Variants in MID1 observed in about 807,000 individuals in gnomAD.
MID1 encodes the protein E3 ubiquitin-protein ligase Midline-1.
MID1 carries 7 observed loss-of-function variants against 40.4 expected under a neutral mutation model. The ratio of observed to expected loss-of-function variants is 0.17; its 90% CI spans 0.10 to 0.33. The LOEUF (loss-of-function observed/expected upper bound fraction) is 0.33. MID1 is among the 10% of genes least tolerant of loss of function. MID1 has a pLI of 1.00. For synonymous variants in MID1, 229 were observed against 221.2 expected (o/e 1.04, Z -0.31); for missense variants, 367 against 558.5 (o/e 0.66, Z 3.46).
chrX:10,656,650 T>C (rs2042875004), intron 1 of MID1, among the ~76,000 whole-genome samples: 2 of 111,467 alleles, frequency 1.8e-5, no homozygotes, highest in Non-Finnish European at 3.8e-5. Flanking sequence ...CGATTACTCT[T>C]CCAGTTTATC....
At chrX:10,682,356 T>C (rs1042350741) in intron 1 of MID1, among the ~76,000 whole-genome samples, 5 of 110,926 alleles carry the variant, frequency 4.5e-5, no homozygotes, top group African/African-American at 1.6e-4. Context: ...TTTTTTTCTT[T>C]GTAGATAATT....
At chrX:10,683,466 CAGG>C (rs2043072750) in intron 1 of MID1, among the ~76,000 whole-genome samples, 2 of 110,747 alleles carry the variant, frequency 1.8e-5, no homozygotes, top group Non-Finnish European at 1.9e-5. Flanking sequence ...CGCTTGAGCT[CAGG>C]AGGTCAAGGC....
chrX:10,523,683 G>A (rs1932776173), intron 2 of MID1, among the ~76,000 whole-genome samples: 1 of 111,474 alleles, frequency 9.0e-6, no homozygotes, highest in Non-Finnish European at 1.9e-5. Flanking sequence ...TTTATGATAA[G>A]TCCTCATCAC....
At chrX:10,739,351 A>T (rs1029730142) in intron 1 of MID1, among the ~76,000 whole-genome samples, 4 of 111,907 alleles carry the variant, frequency 3.6e-5, no homozygotes, top group African/African-American at 9.7e-5. Flanking sequence ...AAGTGAGAAC[A>T]AATTATCTCT....
At chrX:10,639,175 G>C (rs1936158045) in intron 1 of MID1, among the ~76,000 whole-genome samples, 1 of 112,298 alleles carries the variant, frequency 8.9e-6, no homozygotes, top group Non-Finnish European at 1.9e-5. Flanking sequence ...GACGAGTTGA[G>C]AGAAGAAGGC....
intron 9 of MID1, among the ~76,000 whole-genome samples, chrX:10,450,625 C>T (rs927152618): frequency 3.9e-4 from 44 of 112,109 alleles, no homozygotes; most frequent in Admixed American, 3.7e-3. Flanking sequence ...CAATGCCATC[C>T]GTAACCAGAA....
At chrX:10,713,139 A>C (rs1336521307) in intron 1 of MID1, among the ~76,000 whole-genome samples, 1 of 111,357 alleles carries the variant, frequency 9.0e-6, no homozygotes, top group Admixed American at 9.5e-5. Context: ...CCGGCCAGCA[A>C]TCTGTGATTT....
intron 2 of MID1, among the ~76,000 whole-genome samples, chrX:10,556,151 TG>T (rs1303035812): frequency 4.5e-5 from 5 of 111,329 alleles, no homozygotes; most frequent in African/African-American, 1.6e-4. Flanking sequence ...CTAGGCTTAC[TG>T]TGTATCATGT....
chrX:10,581,341 G>A (rs750626046), intron 1 of MID1, among the ~76,000 whole-genome samples: 9 of 112,520 alleles, frequency 8.0e-5, no homozygotes, highest in African/African-American at 2.6e-4. Context: ...TCAAATCCTG[G>A]CTCTGCCATT....
intron 1 of MID1, among the ~76,000 whole-genome samples, chrX:10,646,511 AC>A: frequency 9.0e-6 from 1 of 110,977 alleles, no homozygotes; most frequent in Non-Finnish European, 1.9e-5. Context: ...CTCTCTTTCC[AC>A]CCCCTGATGT....
intron 1 of MID1, among the ~76,000 whole-genome samples, chrX:10,697,441 T>C (rs1247853669): frequency 9.0e-6 from 1 of 111,644 alleles, no homozygotes; most frequent in Non-Finnish European, 1.9e-5. Context: ...GAGAATTGTC[T>C]CCGAATTAGC....
chrX:10,637,912 T>C (rs2147561441), intron 1 of MID1, among the ~76,000 whole-genome samples: 1 of 112,242 alleles, frequency 8.9e-6, no homozygotes, highest in East Asian at 2.8e-4. Flanking sequence ...AGGAACTCTC[T>C]GTACTACCTT....
intron 1 of MID1, among the ~76,000 whole-genome samples, chrX:10,777,220 G>A (rs1225458440): frequency 9.0e-6 from 1 of 111,067 alleles, no homozygotes; most frequent in Non-Finnish European, 1.9e-5. Context: ...TATTTTTTTT[G>A]AGACGAGTCT....
intron 1 of MID1, among the ~76,000 whole-genome samples, chrX:10,668,714 T>A (rs759735942): frequency 1.8e-5 from 2 of 112,416 alleles, no homozygotes; most frequent in South Asian, 7.3e-4. Context: ...AAGCACTAAT[T>A]TTTCCTTGTG....
chrX:10,583,760 C>T (rs767295501), intron 1 of MID1, among the ~76,000 whole-genome samples: 1 of 111,726 alleles, frequency 9.0e-6, no homozygotes, highest in Non-Finnish European at 1.9e-5. Flanking sequence ...AGGCCAGGTA[C>T]GGTGGCTCAC....
intron 1 of MID1, among the ~76,000 whole-genome samples, chrX:10,625,649 A>G (rs1935988338): frequency 8.9e-6 from 1 of 112,438 alleles, no homozygotes; most frequent in Non-Finnish European, 1.9e-5. Flanking sequence ...GCTCCATTTT[A>G]TTTAATTTTG....
intron 1 of MID1, among the ~76,000 whole-genome samples, chrX:10,799,671 G>A (rs1207653470): frequency 2.7e-5 from 3 of 112,091 alleles, no homozygotes; most frequent in Non-Finnish European, 3.8e-5. Context: ...TACCTAACAG[G>A]CTGATCTCAA....
At chrX:10,729,827 G>A (rs1177642384) in intron 1 of MID1, among the ~76,000 whole-genome samples, 1 of 111,941 alleles carries the variant, frequency 8.9e-6, no homozygotes, top group African/African-American at 3.2e-5. Context: ...GCTCACGCCT[G>A]TAATCCCAGC....
At chrX:10,603,529 T>G (rs1319196074) in intron 1 of MID1, among the ~76,000 whole-genome samples, 1 of 111,792 alleles carries the variant, frequency 8.9e-6, no homozygotes, top group Non-Finnish European at 1.9e-5. Context: ...TGTTGGACAT[T>G]TGTACTTACT....
Sources: gnomAD v4.1 joint callset for allele counts (sites outside exome capture counted in the v4.1 genomes callset) on GRCh38, gnomAD v4.1.1 for gene constraint, MANE v1.5 for transcripts, NCBI Gene and HGNC (gene_info 2026-07-23, HGNC 2026-07-21) for gene names.